Variants in TNFSF4 observed in about 807,000 individuals in gnomAD.
TNFSF4 encodes the protein TNF superfamily member 4.
Under a neutral mutation model 7.3 loss-of-function variants are expected in TNFSF4, and 4 were observed. That is an observed-to-expected ratio of 0.55 (90% CI 0.27 to 1.25). The LOEUF is 1.25. Among genes scored for constraint, TNFSF4 ranks in the 50% most tolerant of loss-of-function variants. The pLI is 0.12. For missense variants in TNFSF4, 181 were observed against 208.8 expected (o/e 0.87, Z 0.82); for synonymous variants, 76 against 83.7 (o/e 0.91, Z 0.50).
the TNFSF4 span, among the ~76,000 whole-genome samples, chr1:173,282,674 AT>A: frequency 1.3e-5 from 2 of 151,998 alleles, no homozygotes; most frequent in Non-Finnish European, 2.9e-5. Flanking sequence ...GGTCAGGCTG[AT>A]CTCGAATTCC....
the TNFSF4 span, among the ~76,000 whole-genome samples, chr1:173,434,481 AAAG>A: frequency 6.6e-6 from 1 of 152,344 alleles, no homozygotes; most frequent in African/African-American, 2.4e-5. Flanking sequence ...TGCCAAATCA[AAAG>A]AAGATGCCAG....
At chr1:173,368,810 C>T in the TNFSF4 span, among the ~76,000 whole-genome samples, 1 of 152,194 alleles carries the variant, frequency 6.6e-6, no homozygotes, top group Non-Finnish European at 1.5e-5. Flanking sequence ...CTCCTAGGTC[C>T]TGATGCCTGT....
intron 1 of TNFSF4, among the ~76,000 whole-genome samples, chr1:173,193,167 G>A (rs912546086): frequency 6.6e-6 from 1 of 152,048 alleles, no homozygotes; most frequent in African/African-American, 2.4e-5. Flanking sequence ...GAAGACATTT[G>A]GTCTACCCCC....
At chr1:173,409,006 A>C in the TNFSF4 span, among the ~76,000 whole-genome samples, 4 of 152,228 alleles carry the variant, frequency 2.6e-5, no homozygotes, top group Non-Finnish European at 5.9e-5. Flanking sequence ...TTAAGTGATC[A>C]AAGTGAACAT....
chr1:173,343,902 T>C, the TNFSF4 span, among the ~76,000 whole-genome samples: 9 of 151,998 alleles, frequency 5.9e-5, no homozygotes, highest in African/African-American at 2.2e-4. Flanking sequence ...GTACTGACAA[T>C]GGAAATAAAA....
the TNFSF4 span, among the ~76,000 whole-genome samples, chr1:173,429,630 T>C: frequency 6.6e-6 from 1 of 152,188 alleles, no homozygotes; most frequent in Admixed American, 6.5e-5. Context: ...AAAGACCATG[T>C]GGGGTGTGAA....
the TNFSF4 span, among the ~76,000 whole-genome samples, chr1:173,386,788 AC>A: frequency 2.0e-5 from 3 of 152,174 alleles, no homozygotes; most frequent in Non-Finnish European, 4.4e-5. Context: ...CCCAATCCCC[AC>A]CCCAGTGTGT....
chr1:173,310,107 C>T, the TNFSF4 span, among the ~76,000 whole-genome samples: 2 of 151,784 alleles, frequency 1.3e-5, no homozygotes, highest in Non-Finnish European at 2.9e-5. Flanking sequence ...ATCATAAAAA[C>T]ATCTTTTGAC....
chr1:173,407,534 T>C, the TNFSF4 span, among the ~76,000 whole-genome samples: 38,370 of 133,040 alleles, frequency 0.29, 6,465 homozygotes, highest in African/African-American at 0.48. Context: ...CACTCCAGCC[T>C]GGGTGACAGA....
At chr1:173,210,554 G>A (rs1048889126), upstream of TNFSF4, among the ~76,000 whole-genome samples, 1 of 152,142 alleles carries the variant, frequency 6.6e-6, no homozygotes, top group Non-Finnish European at 1.5e-5. Flanking sequence ...GTCGTAAATG[G>A]ACTTTTGTTA....
At chr1:173,359,665 T>A in the TNFSF4 span, among the ~76,000 whole-genome samples, 2 of 152,212 alleles carry the variant, frequency 1.3e-5, no homozygotes, top group African/African-American at 2.4e-5. Context: ...TTCTCATGTT[T>A]ATTTTCCTTC....
Position 173,200,152 on chromosome 1 carries a change from A to C in TNFSF4, c.153+6872T>G, listed in dbSNP as rs184328909. On this transcript the variant is annotated intron_variant, in intron 1 of 2. Transcript: ENST00000281834. ...AAAAAAGAAAATGAATTTTAAAAAC[A>C]GCTAGCCAACATTCTTAAAGCTCAG... Among the ~76,000 whole-genome samples, 640 of 152,344 alleles carry C rather than the reference A, an allele frequency of 4.2e-3. 5 individuals carry two copies. Among genetic ancestry groups the C allele is most frequent in the African/African-American group, 0.015 (610 of 41,572 alleles).
At chr1:173,436,121 T>A in the TNFSF4 span, among the ~76,000 whole-genome samples, 1 of 152,236 alleles carries the variant, frequency 6.6e-6, no homozygotes, top group Non-Finnish European at 1.5e-5. Context: ...TTAAATTTTA[T>A]GTCTTAGTTT....
At chr1:173,230,619 A>G in the TNFSF4 span, among the ~76,000 whole-genome samples, 1 of 152,198 alleles carries the variant, frequency 6.6e-6, no homozygotes, top group Non-Finnish European at 1.5e-5. Flanking sequence ...ACACCCTTCA[A>G]AAAAATCAAT....
chr1:173,375,299 G>A, the TNFSF4 span, among the ~76,000 whole-genome samples: 2 of 152,164 alleles, frequency 1.3e-5, no homozygotes, highest in Non-Finnish European at 2.9e-5. Context: ...GGCCTAGAGA[G>A]TTCCCCTCTG....
chr1:173,304,594 A>G, the TNFSF4 span, among the ~76,000 whole-genome samples: 13 of 151,966 alleles, frequency 8.6e-5, no homozygotes, highest in Non-Finnish European at 1.9e-4. Context: ...CCTTTCTTCT[A>G]AAATGTTACT....
the TNFSF4 span, among the ~76,000 whole-genome samples, chr1:173,215,939 G>A: frequency 7.9e-5 from 12 of 152,156 alleles, no homozygotes; most frequent in Admixed American, 7.2e-4. Context: ...CTGCATCCAC[G>A]TCACTCAGGA....
chr1:173,222,876 T>A, the TNFSF4 span, among the ~76,000 whole-genome samples: 1 of 152,162 alleles, frequency 6.6e-6, no homozygotes, highest in Non-Finnish European at 1.5e-5. Flanking sequence ...AATCATCAAA[T>A]TGTAATGCCT....
At chr1:173,280,575 G>A in the TNFSF4 span, among the ~76,000 whole-genome samples, 4 of 152,150 alleles carry the variant, frequency 2.6e-5, no homozygotes, top group Admixed American at 1.3e-4. Flanking sequence ...ACCTAACAAC[G>A]ACAAGTTAGT....
Sources: gnomAD v4.1 joint callset for allele counts (sites outside exome capture counted in the v4.1 genomes callset) on GRCh38, gnomAD v4.1.1 for gene constraint, MANE v1.5 for transcripts, NCBI Gene and HGNC (gene_info 2026-07-23, HGNC 2026-07-21) for gene names.